Variants in CPQ observed in about 807,000 individuals in gnomAD.
CPQ encodes carboxypeptidase Q.
Under a neutral mutation model 45.7 loss-of-function variants are expected in CPQ, and 37 were observed. The ratio of observed to expected loss-of-function variants is 0.81; its 90% CI spans 0.62 to 1.07. The LOEUF is 1.07. CPQ is among the 50% of genes least tolerant of loss of function. The pLI, the probability that CPQ is intolerant of heterozygous loss-of-function variation, is 0.00. For synonymous variants in CPQ, 186 were observed against 205.8 expected, an observed-to-expected ratio of 0.90 and a Z score of 0.82; for missense variants, 537 against 572.9, an observed-to-expected ratio of 0.94 and a Z score of 0.64.
intron 4 of CPQ, among the ~76,000 whole-genome samples, chr8:96,955,853 C>T (rs780608754): frequency 1.8e-4 from 28 of 152,142 alleles, no homozygotes; most frequent in Non-Finnish European, 3.2e-4. Flanking sequence ...CCCTTCCTTA[C>T]ACCTTATACA....
At chr8:96,704,976 A>T (rs1809513963) in intron 1 of CPQ, among the ~76,000 whole-genome samples, 1 of 152,180 alleles carries the variant, frequency 6.6e-6, no homozygotes, top group South Asian at 2.1e-4. Context: ...ATGGTGTTTG[A>T]AGTCAAGAGG....
intron 1 of CPQ, chr8:96,761,158 C>T (rs952065651): frequency 2.0e-5 from 3 of 152,088 alleles, no homozygotes; most frequent in African/African-American, 7.2e-5. Flanking sequence ...TTTCTTGTTC[C>T]TTCTAAGGCC....
chr8:96,944,910 G>A (rs963216307), intron 4 of CPQ, among the ~76,000 whole-genome samples: 1 of 151,954 alleles, frequency 6.6e-6, no homozygotes, highest in Non-Finnish European at 1.5e-5. Context: ...ACTTCCTAGA[G>A]GGTATTAAAA....
intron 4 of CPQ, among the ~76,000 whole-genome samples, chr8:96,961,811 G>A (rs1813465138): frequency 6.6e-6 from 1 of 152,146 alleles, no homozygotes; most frequent in African/African-American, 2.4e-5. Flanking sequence ...TGCCAGAGAG[G>A]GTGAAATGTT....
chr8:96,860,784 A>G (rs1586429481), intron 3 of CPQ, among the ~76,000 whole-genome samples: 1 of 152,266 alleles, frequency 6.6e-6, no homozygotes, highest in Middle Eastern at 3.4e-3. Context: ...AAAATTCTAA[A>G]GAAAAATTCC....
intron 7 of CPQ, among the ~76,000 whole-genome samples, 183 bp from the exon 8 acceptor site, chr8:97,142,837 C>G (rs139179833): frequency 1.2e-4 from 18 of 152,340 alleles, no homozygotes; most frequent in African/African-American, 4.3e-4. Flanking sequence ...GCCGGCTACT[C>G]ACATCATAGT....
rs377525730 is a variant in CPQ at position 96,971,368 on chromosome 8, T to A, written c.961+5322T>A. On this transcript the variant is annotated intron_variant, in intron 5 of 7. Transcript: ENST00000220763. ...GACAACTAACTTTTTATCCACACTA[T>A]CTGAGTCTATTTTTTCAAAATGAAC... 3.9e-5 allele frequency among the ~76,000 whole-genome samples: 6 copies of A among 152,364 alleles called. No individual in the cohort carries two copies. The East Asian group carries it at 1.2e-3, about 29-fold the overall frequency.
At chr8:97,079,705 C>A (rs537687856) in intron 7 of CPQ, among the ~76,000 whole-genome samples, 2 of 151,978 alleles carry the variant, frequency 1.3e-5, no homozygotes, top group Admixed American at 1.3e-4. Context: ...ATTAAACTGC[C>A]GGGGCCTCAC....
intron 1 of CPQ, among the ~76,000 whole-genome samples, chr8:96,760,336 A>G (rs1810383358): frequency 6.6e-6 from 1 of 152,220 alleles, no homozygotes; most frequent in African/African-American, 2.4e-5. Context: ...GTCTGGTATT[A>G]TCATTTCCAC....
chr8:96,741,095 A>G (rs1039550790), intron 1 of CPQ, among the ~76,000 whole-genome samples: 6 of 151,258 alleles, frequency 4.0e-5, no homozygotes, highest in South Asian at 4.2e-4. Flanking sequence ...CTGTGAATCC[A>G]TCTGGTCCTG....
chr8:96,806,272 A>G (rs1014601903), intron 2 of CPQ, among the ~76,000 whole-genome samples: 1 of 152,208 alleles, frequency 6.6e-6, no homozygotes, highest in Non-Finnish European at 1.5e-5. Flanking sequence ...AATAAAATTG[A>G]GATAATTTTT....
At chr8:97,086,292 G>T (rs1169169271) in intron 7 of CPQ, among the ~76,000 whole-genome samples, 1 of 152,152 alleles carries the variant, frequency 6.6e-6, no homozygotes, top group Non-Finnish European at 1.5e-5. Context: ...TGCTCAGGGG[G>T]TAAAGGGAAG....
intron 7 of CPQ, among the ~76,000 whole-genome samples, chr8:97,108,018 G>A (rs1811431458): frequency 1.3e-5 from 2 of 152,204 alleles, no homozygotes. Context: ...GGAAGTGGAT[G>A]TGGTGGTGGG....
intron 7 of CPQ, among the ~76,000 whole-genome samples, chr8:97,105,550 C>A (rs1006660757): frequency 6.6e-6 from 1 of 152,136 alleles, no homozygotes; most frequent in African/African-American, 2.4e-5. Context: ...ATGCCAAAAG[C>A]ATTTTGACAT....
chr8:97,052,838 A>G (rs1232079369), intron 6 of CPQ, among the ~76,000 whole-genome samples: 1 of 152,166 alleles, frequency 6.6e-6, no homozygotes, highest in Non-Finnish European at 1.5e-5. Context: ...CTATCACTCT[A>G]TATATCCTCC....
chr8:96,694,979 C>T (rs1809354620), intron 1 of CPQ, among the ~76,000 whole-genome samples: 1 of 152,020 alleles, frequency 6.6e-6, no homozygotes, highest in Non-Finnish European at 1.5e-5. Context: ...CCCGCATTGC[C>T]AAGTCAATCC....
chr8:96,778,805 G>A (rs556963623), intron 1 of CPQ, among the ~76,000 whole-genome samples: 3 of 152,014 alleles, frequency 2.0e-5, no homozygotes, highest in East Asian at 1.9e-4. Context: ...GGTGGCTCAC[G>A]CCTGTAATCC....
chr8:96,964,173 T>TACACAC (rs71267285), intron 4 of CPQ, among the ~76,000 whole-genome samples: 3,210 of 133,412 alleles, frequency 0.024, 96 homozygotes, highest in Middle Eastern at 0.063. Context: ...GGTTAAAGTA[T>TACACAC]ACACACACAC....
chr8:96,759,062 C>A (rs1453422563), intron 1 of CPQ, among the ~76,000 whole-genome samples: 1 of 152,122 alleles, frequency 6.6e-6, no homozygotes, highest in Non-Finnish European at 1.5e-5. Context: ...GGAACTCAGA[C>A]GTCTTCTATG....
Sources: allele counts gnomAD v4.1 joint callset (sites outside exome capture counted in the v4.1 genomes callset), GRCh38; gene constraint gnomAD v4.1.1; transcripts MANE v1.5; gene names NCBI Gene and HGNC (gene_info 2026-07-23, HGNC 2026-07-21).